PDGFC: variants seen among roughly 807,000 people sequenced by gnomAD.
The protein encoded by PDGFC is platelet derived growth factor C, also known as platelet-derived growth factor C.
PDGFC carries 12 observed loss-of-function variants against 35.5 expected under a neutral mutation model. The ratio of observed to expected loss-of-function variants is 0.34; its 90% confidence interval spans 0.22 to 0.55. PDGFC has a LOEUF of 0.55. Ranked by LOEUF, PDGFC falls within the 20% of genes least tolerant of loss-of-function variation. The pLI is 0.91. For missense variants in PDGFC, 322 were observed against 412.4 expected, an observed-to-expected ratio of 0.78 and a Z score of 1.90; for synonymous variants, 159 against 148.8, an observed-to-expected ratio of 1.07 and a Z score of -0.50.
chr4:156,926,424 C>T (rs564368700), intron 1 of PDGFC, among the ~76,000 whole-genome samples: 7 of 152,246 alleles, frequency 4.6e-5, no homozygotes, highest in South Asian at 2.1e-4. Context: ...GCAAGGGCTC[C>T]ACTCTCTAGC....
chr4:156,842,966 A>G (rs187072069), intron 2 of PDGFC, among the ~76,000 whole-genome samples: 2 of 152,278 alleles, frequency 1.3e-5, no homozygotes, highest in African/African-American at 4.8e-5. Flanking sequence ...TTAAAGCCAC[A>G]GCACTGTAGC....
intron 4 of PDGFC, among the ~76,000 whole-genome samples, chr4:156,772,249 T>G (rs1275025371): frequency 2.0e-5 from 3 of 152,284 alleles, no homozygotes; most frequent in Non-Finnish European, 4.4e-5. Context: ...CATATAATAC[T>G]GACCCATGGG....
intron 1 of PDGFC, among the ~76,000 whole-genome samples, chr4:156,925,819 G>A (rs1731397655): frequency 6.6e-6 from 1 of 151,402 alleles, no homozygotes; most frequent in African/African-American, 2.4e-5. Context: ...GGGAGGTCGA[G>A]GCGGGTAGAC....
intron 4 of PDGFC, among the ~76,000 whole-genome samples, chr4:156,771,877 A>C (rs1730702669): frequency 6.6e-6 from 1 of 152,166 alleles, no homozygotes; most frequent in South Asian, 2.1e-4. Flanking sequence ...ATTGTAATTA[A>C]ACAGTTATTT....
chr4:156,854,075 C>A (rs186737198), intron 1 of PDGFC, among the ~76,000 whole-genome samples: 8 of 152,234 alleles, frequency 5.3e-5, no homozygotes, highest in East Asian at 1.9e-4. Context: ...TCCCTATTGT[C>A]CAAAGTTTCT....
At chr4:156,882,332 A>G (rs1250374241) in intron 1 of PDGFC, among the ~76,000 whole-genome samples, 2 of 152,204 alleles carry the variant, frequency 1.3e-5, no homozygotes, top group African/African-American at 4.8e-5. Context: ...TCCAAGACTT[A>G]AAAATCTTAA....
chr4:156,845,301 T>C (rs1380425551), intron 2 of PDGFC, among the ~76,000 whole-genome samples: 1 of 151,650 alleles, frequency 6.6e-6, no homozygotes, highest in African/African-American at 2.4e-5. Context: ...ACAATTAAAA[T>C]AACATTCAAC....
At chr4:156,788,659 G>T (rs1462398258) in intron 3 of PDGFC, among the ~76,000 whole-genome samples, 1 of 152,180 alleles carries the variant, frequency 6.6e-6, no homozygotes, top group Non-Finnish European at 1.5e-5. Context: ...AACATTCAGT[G>T]TAAGCAGTAG....
At chr4:156,869,859 C>T (rs747920061) in intron 1 of PDGFC, among the ~76,000 whole-genome samples, 11 of 152,038 alleles carry the variant, frequency 7.2e-5, no homozygotes, top group Non-Finnish European at 1.3e-4. Flanking sequence ...TTTTGTCACA[C>T]ACACATACAC....
intron 1 of PDGFC, among the ~76,000 whole-genome samples, chr4:156,917,237 C>A (rs140125376): frequency 2.0e-5 from 3 of 152,150 alleles, no homozygotes; most frequent in Non-Finnish European, 4.4e-5. Context: ...TTGAATGATT[C>A]TTTGGGGAAA....
At chr4:156,769,462 A>C (rs199920265) in intron 4 of PDGFC, among the ~76,000 whole-genome samples, 1 of 151,960 alleles carries the variant, frequency 6.6e-6, no homozygotes, top group East Asian at 1.9e-4. Context: ...AATGTATGTA[A>C]ACTATATGAT....
chr4:156,797,265 A>G (rs1342495299), intron 3 of PDGFC, among the ~76,000 whole-genome samples: 1 of 151,794 alleles, frequency 6.6e-6, no homozygotes, highest in East Asian at 1.9e-4. Context: ...AAAAAGAAAA[A>G]CTTCAGACAA....
chr4:156,913,778 G>T (rs745781233), intron 1 of PDGFC, among the ~76,000 whole-genome samples: 10 of 152,110 alleles, frequency 6.6e-5, no homozygotes, highest in Non-Finnish European at 1.2e-4. Flanking sequence ...TACCTGCAAG[G>T]ACCCCTCATG....
intron 3 of PDGFC, among the ~76,000 whole-genome samples, chr4:156,774,652 C>CT (rs869200131): frequency 0.14 from 18,172 of 133,614 alleles, 1,908 homozygotes; most frequent in African/African-American, 0.28. Context: ...TGATTTCATC[C>CT]TTTTTTTTTT....
intron 2 of PDGFC, among the ~76,000 whole-genome samples, chr4:156,842,853 T>C (rs777439528): frequency 1.3e-5 from 2 of 152,212 alleles, no homozygotes; most frequent in Non-Finnish European, 2.9e-5. Context: ...AGTCAGCTAC[T>C]GATGTCTTGC....
chr4:156,896,954 T>C (rs1026206418), intron 1 of PDGFC, among the ~76,000 whole-genome samples: 6 of 152,322 alleles, frequency 3.9e-5, no homozygotes, highest in East Asian at 3.9e-4. Context: ...CTATTGACCA[T>C]CTGTTAAAAT....
intron 2 of PDGFC, among the ~76,000 whole-genome samples, chr4:156,839,823 G>A (rs1384119356): frequency 6.6e-6 from 1 of 152,168 alleles, no homozygotes; most frequent in Admixed American, 6.5e-5. Context: ...GGCAGAGGTG[G>A]TCTCAGATGG....
At chr4:156,897,596 T>C (rs1010100040) in intron 1 of PDGFC, among the ~76,000 whole-genome samples, 1 of 151,980 alleles carries the variant, frequency 6.6e-6, no homozygotes, top group Non-Finnish European at 1.5e-5. Context: ...TGAATTGAAG[T>C]AGGAGAAAAT....
chr4:156,963,136 C>A (rs1049288845), intron 1 of PDGFC, among the ~76,000 whole-genome samples: 2 of 152,004 alleles, frequency 1.3e-5, no homozygotes, highest in African/African-American at 4.8e-5. Flanking sequence ...CCAATACATA[C>A]CTCAGTGGAC....
Sources: gnomAD v4.1 joint callset for allele counts (sites outside exome capture counted in the v4.1 genomes callset) on GRCh38, gnomAD v4.1.1 for gene constraint, MANE v1.5 for transcripts, NCBI Gene and HGNC (gene_info 2026-07-23, HGNC 2026-07-21) for gene names.